The following ANKRD36C variants were observed in gnomAD, a reference collection of about 807,000 sequenced individuals.
ANKRD36C encodes the protein ankyrin repeat domain-containing protein 36C.
A neutral mutation model predicts 276.4 loss-of-function variants in ANKRD36C; 61 were observed. The ratio of observed to expected loss-of-function variants is 0.22; its 90% CI spans 0.18 to 0.27. The LOEUF is 0.27. Ranked by LOEUF, ANKRD36C falls within the 10% of genes least tolerant of loss-of-function variation. The pLI is 1.00. For missense variants in ANKRD36C, 1,447 were observed against 2,032.3 expected (o/e 0.71, Z 5.54); for synonymous variants, 483 against 680.1 (o/e 0.71, Z 4.51).
chr2:95,987,224 C>G lies in ANKRD36C; in HGVS notation c.198-18G>C, dbSNP rs2104545459. ...GGGCGGTCCTGTGAGAGTGACAGGACTTTTTAAAACATGTAACTGTAAGCA... is the reference window on the plus strand; with the variant it reads ...GGGCGGTCCTGTGAGAGTGACAGGAGTTTTTAAAACATGTAACTGTAAGCA... On this transcript the variant is annotated intron_variant, in intron 1 of 66. Coordinates refer to ENST00000456556, the Ensembl canonical transcript of ANKRD36C. 4 of 1,520,252 alleles carry G rather than the reference C, an allele frequency of 2.6e-6. No homozygotes were observed. The highest frequency in any genetic ancestry group is 2.8e-5 in the African/African-American group (2 of 70,984). 94.2% of individuals were successfully genotyped at this position (1,520,252 alleles called of 1,614,324 possible). A position where few individuals can be genotyped will look rare whatever the true frequency, so the allele number is the denominator to read the frequency against.
chr2:95,880,921 T>A (rs867933323), intron 56 of ANKRD36C, among the ~76,000 whole-genome samples: 2 of 152,304 alleles, frequency 1.3e-5, no homozygotes, highest in South Asian at 2.1e-4. Flanking sequence ...AGAAATGTGA[T>A]CTAAAATCAG....
At chr2:95,956,361 T>G (rs542801593) in intron 13 of ANKRD36C, among the ~76,000 whole-genome samples, 44 of 152,312 alleles carry the variant, frequency 2.9e-4, no homozygotes, top group African/African-American at 9.1e-4. Flanking sequence ...TTTTGGAGTA[T>G]CCAGGCTTCT....
At chr2:95,951,655 T>G (rs1055506534) in intron 14 of ANKRD36C, among the ~76,000 whole-genome samples, 1 of 152,310 alleles carries the variant, frequency 6.6e-6, no homozygotes, top group Non-Finnish European at 1.5e-5. Flanking sequence ...ACAAATACTA[T>G]GATATCCATT....
chr2:95,858,261 G>A (rs905533509), intron 61 of ANKRD36C, among the ~76,000 whole-genome samples: 5 of 152,108 alleles, frequency 3.3e-5, no homozygotes, highest in African/African-American at 1.2e-4. Flanking sequence ...ATCTTACAGA[G>A]TTTGACTCTC....
At chr2:95,987,906 T>C (rs997950303) in intron 1 of ANKRD36C, among the ~76,000 whole-genome samples, 9 of 152,140 alleles carry the variant, frequency 5.9e-5, no homozygotes, top group Admixed American at 5.2e-4. Context: ...ATTTTCTCAC[T>C]ATTCTCTTAT....
chr2:95,958,827 T>C, intron 10 of ANKRD36C, 42 bp from the exon 11 acceptor site: 2 of 1,503,668 alleles, frequency 1.3e-6, no homozygotes, highest in Non-Finnish European at 1.8e-6. Flanking sequence ...TATGTAAATA[T>C]GATAAAGTTA....
chr2:95,917,455 T>C (rs1285708577), intron 36 of ANKRD36C, among the ~76,000 whole-genome samples: 1 of 151,604 alleles, frequency 6.6e-6, no homozygotes, highest in Non-Finnish European at 1.5e-5. Context: ...CTATGGATTA[T>C]TACTATCAGT....
Position 95,884,080 on chromosome 2 carries a change from C to A in ANKRD36C, c.3265+93G>T. 2.9e-6 allele frequency: 4 copies of A among 1,382,248 alleles called. No individual in the cohort carries two copies. The South Asian group carries it at 3.8e-5, about 13-fold the overall frequency. The allele number at this position is 1,382,248 out of a possible 1,614,324, so 85.6% of individuals were successfully genotyped here. On this transcript the variant is annotated intron_variant, in intron 54 of 66. Transcript: ENST00000456556. ...CTCAGGTCTGCAGAATCAGAATGTG[C>A]AGCTTCGACGAGCCCTCCGTTGATT...
intron 8 of ANKRD36C, among the ~76,000 whole-genome samples, chr2:95,961,146 T>C (rs1169259816): frequency 1.3e-5 from 2 of 152,174 alleles, no homozygotes; most frequent in African/African-American, 2.4e-5. Flanking sequence ...AATGGCACTT[T>C]AGTTGAATGT....
At chr2:95,953,513 T>C (rs1296592048) in intron 14 of ANKRD36C, among the ~76,000 whole-genome samples, 1 of 152,004 alleles carries the variant, frequency 6.6e-6, no homozygotes, top group Non-Finnish European at 1.5e-5. Context: ...TGTAACAGAG[T>C]GATTCCATGA....
In ANKRD36C at chr2:95,883,336, ATT is replaced by A. The variant is rs766989303; in HGVS notation, c.3265+835_3265+836del. 7.2e-5 allele frequency among the ~76,000 whole-genome samples: 11 copies of A among 152,270 alleles called. No homozygotes were observed. In the South Asian group the frequency reaches 1.4e-3, roughly 20 times the overall value. ...AAAGTCAATTAATGAATTCAAATTA[ATT>A]TTGTTTCTAAAATAGTCTGGTTTGA... On this transcript the variant is annotated intron_variant, in intron 54 of 66. Coordinates refer to ENST00000456556, the Ensembl canonical transcript of ANKRD36C.
exon 1 of ANKRD36C, chr2:95,991,773 C>G (rs549923319): frequency 2.0e-6 from 3 of 1,490,708 alleles, no homozygotes; most frequent in Non-Finnish European, 1.8e-6. Flanking sequence ...TCGCCGCCTC[C>G]GAAGAGCAAC....
intron 22 of ANKRD36C, 95 bp from the exon 23 acceptor site, chr2:95,935,739 C>T: frequency 9.6e-6 from 14 of 1,452,188 alleles, no homozygotes; most frequent in Non-Finnish European, 1.3e-5. Flanking sequence ...ACAACTAACA[C>T]AGGAAAGTAC....
At chr2:95,891,011 G>C (rs1303483266) in intron 46 of ANKRD36C, among the ~76,000 whole-genome samples, 8 of 151,390 alleles carry the variant, frequency 5.3e-5, no homozygotes, top group Non-Finnish European at 1.5e-5. Context: ...GTAAGAAAGA[G>C]GAGTAATGAG....
chr2:95,882,848 G>T (rs1676115411), intron 54 of ANKRD36C, among the ~76,000 whole-genome samples: 2 of 152,084 alleles, frequency 1.3e-5, no homozygotes, highest in Admixed American at 1.3e-4. Flanking sequence ...TGTCAAAGAA[G>T]GTACTAAATG....
chr2:95,930,811 C>T (rs1677544874), intron 24 of ANKRD36C, among the ~76,000 whole-genome samples: 1 of 150,420 alleles, frequency 6.6e-6, no homozygotes, highest in African/African-American at 2.4e-5. Context: ...CCTCAGCAAA[C>T]ACAGCTTTCC....
rs575274549 is a variant in ANKRD36C, at chr2:95,921,649, T to G, written c.2203A>C (p.Asn735His). The stretch of plus-strand genomic sequence containing the variant: ...CCATCCTTTATTTCTGTGGCTATAT[T>G]CGAAACAGAATCTTCCTCGTCAGTT... Residue 735 changes from asparagine to histidine, a missense_variant, in exon 34 of 67, where the codon AAT becomes CAT. Transcript: ENST00000456556. 2.5e-4 allele frequency: 409 copies of G among 1,609,042 alleles called. 4 individuals carry two copies. The South Asian group carries it at 4.2e-3, about 17-fold the overall frequency.
intron 50 of ANKRD36C, among the ~76,000 whole-genome samples, chr2:95,886,659 A>T (rs1573740383): frequency 6.6e-6 from 1 of 151,740 alleles, no homozygotes; most frequent in African/African-American, 2.4e-5. Context: ...TACTGCAAAC[A>T]TTCAACATGC....
chr2:95,874,331 A>C (rs1675889544), intron 59 of ANKRD36C, among the ~76,000 whole-genome samples: 1 of 152,184 alleles, frequency 6.6e-6, no homozygotes, highest in Non-Finnish European at 1.5e-5. Flanking sequence ...CAAAACAGAG[A>C]TATAGACCAA....
Sources: gnomAD v4.1 joint callset for allele counts (sites outside exome capture counted in the v4.1 genomes callset) on GRCh38, gnomAD v4.1.1 for gene constraint, MANE v1.5 for transcripts, NCBI Gene and HGNC (gene_info 2026-07-23, HGNC 2026-07-21) for gene names.